PNPT1: variants seen among roughly 807,000 people sequenced by gnomAD.
PNPT1 encodes polyribonucleotide nucleotidyltransferase 1, mitochondrial.
A neutral mutation model predicts 119.5 loss-of-function variants in PNPT1; 53 were observed. The observed-to-expected ratio is 0.44, with a 90% CI of 0.36 to 0.56. The LOEUF is 0.56. Ranked by LOEUF, PNPT1 falls within the 20% of genes least tolerant of loss-of-function variation. PNPT1 has a pLI of 0.00. For synonymous variants in PNPT1, 357 were observed against 322.1 expected, an observed-to-expected ratio of 1.11 and a Z score of -1.16; for missense variants, 948 against 938.5, an observed-to-expected ratio of 1.01 and a Z score of -0.13.
chr2:55,686,003 G>T (rs1232488982), intron 3 of PNPT1, among the ~76,000 whole-genome samples: 2 of 152,096 alleles, frequency 1.3e-5, no homozygotes, highest in Non-Finnish European at 2.9e-5. Context: ...TTCGATCCAT[G>T]GTTGGTTGAA....
chr2:55,648,083 T>A (rs939316732), intron 18 of PNPT1, among the ~76,000 whole-genome samples: 11 of 152,224 alleles, frequency 7.2e-5, no homozygotes, highest in African/African-American at 2.7e-4. Flanking sequence ...AAGCATCTAT[T>A]TGGTAAATTC....
chr2:55,646,545 C>T (rs1696011034), intron 19 of PNPT1, 59 bp from the exon 20 acceptor site: 4 of 1,384,040 alleles, frequency 2.9e-6, no homozygotes, highest in Non-Finnish European at 3.0e-6. Flanking sequence ...TCAACATATT[C>T]ACTGTAGAAA....
intron 1 of PNPT1, 62 bp downstream of exon 1, chr2:55,693,601 A>G (rs1697691566): frequency 3.8e-6 from 6 of 1,590,258 alleles, no homozygotes; most frequent in Admixed American, 1.7e-5. Context: ...GGAGATGAAT[A>G]CGCTCAAGCT....
intron 18 of PNPT1, among the ~76,000 whole-genome samples, chr2:55,653,225 C>A (rs1696268876): frequency 6.6e-6 from 1 of 152,144 alleles, no homozygotes; most frequent in South Asian, 2.1e-4. Flanking sequence ...CGATCAAGTT[C>A]ATTGGGTTAT....
chr2:55,672,822 G>T (rs1572823865), intron 9 of PNPT1, 71 bp downstream of exon 9: 1 of 1,408,146 alleles, frequency 7.1e-7, no homozygotes, highest in East Asian at 2.4e-5. Context: ...GCTTCCATGG[G>T]AAGTTTCTCT....
chr2:55,689,381 G>C (rs918534525), intron 1 of PNPT1, among the ~76,000 whole-genome samples: 1 of 152,176 alleles, frequency 6.6e-6, no homozygotes, highest in African/African-American at 2.4e-5. Flanking sequence ...CCAAATCACA[G>C]TGAATACCAC....
At chr2:55,692,702 A>G (rs913512638) in intron 1 of PNPT1, among the ~76,000 whole-genome samples, 9 of 152,222 alleles carry the variant, frequency 5.9e-5, no homozygotes, top group Non-Finnish European at 1.3e-4. Flanking sequence ...GACAGGTTTA[A>G]AAAGATTGCG....
At chr2:55,646,223 A>G (rs773953390) in intron 21 of PNPT1, 36 bp downstream of exon 21, 57 of 1,567,486 alleles carry the variant, frequency 3.6e-5, no homozygotes, top group Admixed American at 5.4e-5. Flanking sequence ...AGCAAAGTGG[A>G]AAAGAATGAA....
intron 18 of PNPT1, among the ~76,000 whole-genome samples, chr2:55,650,818 C>T (rs1245598340): frequency 2.0e-5 from 3 of 150,280 alleles, no homozygotes; most frequent in Non-Finnish European, 4.4e-5. Context: ...AAGTGAGAAG[C>T]CCCTCCGCCC....
At chr2:55,676,967 G>C (rs1407193234) in intron 8 of PNPT1, among the ~76,000 whole-genome samples, 2 of 152,152 alleles carry the variant, frequency 1.3e-5, no homozygotes, top group African/African-American at 2.4e-5. Context: ...TTCCATGATG[G>C]TGGTATTTCA....
chr2:55,654,988 T>A (rs771810812), intron 17 of PNPT1, 35 bp from the exon 18 acceptor site: 15 of 1,559,034 alleles, frequency 9.6e-6, no homozygotes, highest in Non-Finnish European at 4.4e-6. Flanking sequence ...TATATTAAAC[T>A]GATTTTTTTA....
chr2:55,663,674 T>C (rs1442216404), intron 13 of PNPT1, among the ~76,000 whole-genome samples: 1 of 151,774 alleles, frequency 6.6e-6, no homozygotes, highest in Admixed American at 6.6e-5. Flanking sequence ...CAGAAAAACA[T>C]GGAGAACAAA....
At chr2:55,672,196 C>T (rs368736285) in intron 9 of PNPT1, 150 bp from the exon 10 acceptor site, 4 of 637,258 alleles carry the variant, frequency 6.3e-6, no homozygotes, top group Middle Eastern at 4.3e-4. Context: ...TGCTATTTAT[C>T]ATTGCTAATC....
At chr2:55,638,906 C>T (rs981160022) in intron 26 of PNPT1, among the ~76,000 whole-genome samples, 4 of 151,978 alleles carry the variant, frequency 2.6e-5, no homozygotes, top group Admixed American at 2.0e-4. Flanking sequence ...TCCAGAGTAG[C>T]TGGGATTACA....
At chr2:55,646,127 C>A in intron 21 of PNPT1, 132 bp downstream of exon 21, 1 of 879,110 alleles carries the variant, frequency 1.1e-6, no homozygotes, top group South Asian at 1.8e-5. Flanking sequence ...CACACCTGGC[C>A]AGTACTTCTT....
chr2:55,679,375 ATAAT>A (rs1697177433), intron 8 of PNPT1, among the ~76,000 whole-genome samples: 1 of 152,210 alleles, frequency 6.6e-6, no homozygotes, highest in African/African-American at 2.4e-5. Flanking sequence ...TAGTCTAAAC[ATAAT>A]TATTGAAATT....
intron 5 of PNPT1, among the ~76,000 whole-genome samples, chr2:55,682,293 A>G (rs1697272677): frequency 6.6e-6 from 1 of 151,270 alleles, no homozygotes; most frequent in Non-Finnish European, 1.5e-5. Flanking sequence ...CCCCATCTCT[A>G]TTAAAAACAG....
intron 1 of PNPT1, among the ~76,000 whole-genome samples, chr2:55,689,752 A>G (rs1476508088): frequency 6.6e-6 from 1 of 152,214 alleles, no homozygotes; most frequent in Non-Finnish European, 1.5e-5. Flanking sequence ...GAAGTGTTCT[A>G]AAATTGATGG....
chr2:55,687,436 C>T (rs1429785963), intron 2 of PNPT1, among the ~76,000 whole-genome samples: 1 of 116,428 alleles, frequency 8.6e-6, no homozygotes, highest in Non-Finnish European at 2.0e-5. Context: ...AAGAGTCCAC[C>T]TCAAAAAAAA....
Sources: allele counts gnomAD v4.1 joint callset (sites outside exome capture counted in the v4.1 genomes callset), GRCh38; gene constraint gnomAD v4.1.1; transcripts MANE v1.5; gene names NCBI Gene and HGNC (gene_info 2026-07-23, HGNC 2026-07-21).